The following WDR76 variants were observed in gnomAD, a reference collection of about 807,000 sequenced individuals.
The protein encoded by WDR76 is WD repeat-containing protein 76.
In WDR76, 52 loss-of-function variants were observed where a neutral mutation model predicts 70.2. The observed-to-expected ratio is 0.74, with a 90% CI of 0.59 to 0.93. The LOEUF is 0.93. WDR76 is among the 40% of genes least tolerant of loss of function. The pLI is 0.00. For synonymous variants in WDR76, 292 were observed against 271.1 expected (o/e 1.08, Z -0.76); for missense variants, 756 against 760.2 (o/e 0.99, Z 0.07).
chr15:43,852,353 T>TGTTGTTGTTGTTGTTGTC, intron 9 of WDR76, among the ~76,000 whole-genome samples: 1 of 150,932 alleles, frequency 6.6e-6, no homozygotes, highest in African/African-American at 2.5e-5. Flanking sequence ...CCGGGTAATT[T>TGTTGTTGTTGTTGTTGTC]GTTGTTGTTG....
chr15:43,833,696 G>A (rs977330793), intron 2 of WDR76, among the ~76,000 whole-genome samples: 2 of 151,510 alleles, frequency 1.3e-5, no homozygotes, highest in African/African-American at 4.9e-5. Flanking sequence ...GAGTGCAGTG[G>A]CATGATCTGG....
intron 12 of WDR76, among the ~76,000 whole-genome samples, chr15:43,861,878 C>T (rs1173866341): frequency 6.9e-6 from 1 of 144,208 alleles, no homozygotes; most frequent in Admixed American, 7.1e-5. Context: ...ACTCTGTTGC[C>T]TAGGCTGGAG....
chr15:43,857,097 T>TG lies in WDR76; in HGVS notation c.1346dup (p.Ile451AsnfsTer11). The TG allele has an allele frequency of 1.9e-6, 3 of 1,614,112 alleles. No homozygotes were observed. Among genetic ancestry groups the TG allele is most frequent in the Non-Finnish European group, 1.7e-6 (2 of 1,180,000 alleles). Reference sequence around the variant, plus strand: ...TATGAGAAACTTACCAGTTCTTCTATGGGAAAAATAAGAACTGTTCATGTC... The same window carrying TG: ...TATGAGAAACTTACCAGTTCTTCTATGGGGAAAAATAAGAACTGTTCATGTC... On this transcript the variant is annotated frameshift_variant, in exon 10 of 13. Coordinates refer to ENST00000263795, the MANE Select transcript of WDR76 (RefSeq NM_024908.4). LOFTEE classifies it high-confidence loss of function.
chr15:43,857,820 C>CAAA lies in WDR76; in HGVS notation c.1409+679_1409+681dup, dbSNP rs972013972. On this transcript the variant is annotated intron_variant, in intron 10 of 12. Coordinates refer to ENST00000263795, the MANE Select transcript of WDR76 (RefSeq NM_024908.4). ...GATGACAGAGCGAGACTCTTGTCTCCAAAAAAAAAAAAAAAAAAAAAAAAG... is the reference window on the plus strand; with the variant it reads ...GATGACAGAGCGAGACTCTTGTCTCCAAAAAAAAAAAAAAAAAAAAAAAAAAAG... 1.8e-3 allele frequency among the ~76,000 whole-genome samples: 106 copies of CAAA among 57,836 alleles called. 1 individual carries two copies. Among genetic ancestry groups the CAAA allele is most frequent in the East Asian group, 3.9e-3 (7 of 1,812 alleles). The allele number at this position is 57,836 out of a possible 152,430, so 37.9% of individuals were successfully genotyped here. A position where few individuals can be genotyped will look rare whatever the true frequency, so the allele number is the denominator to read the frequency against.
rs142889077 is a variant in WDR76 at position 43,843,201 on chromosome 15, T to C, written c.878+530T>C. The stretch of plus-strand genomic sequence containing the variant: ...ATCACATCTCACTAATTTTTGTATT[T>C]GTAGAGATGAGATTTTGCTGTGTTG... On this transcript the variant is annotated intron_variant, in intron 7 of 12. Coordinates refer to ENST00000263795, the MANE Select transcript of WDR76 (RefSeq NM_024908.4). Among the ~76,000 whole-genome samples the C allele has an allele frequency of 1.8e-3, 267 of 152,030 alleles. 3 individuals carry two copies. The highest frequency in any genetic ancestry group is 0.017 in the South Asian group (83 of 4,822).
chr15:43,848,930 CTTTT>C (rs534839516), intron 8 of WDR76, among the ~76,000 whole-genome samples: 2 of 127,120 alleles, frequency 1.6e-5, no homozygotes, highest in Non-Finnish European at 3.4e-5. Context: ...AGAGTTGAGA[CTTTT>C]TTTTTTTTTT....
intron 11 of WDR76, among the ~76,000 whole-genome samples, chr15:43,859,891 G>A (rs1348919061): frequency 6.6e-6 from 1 of 152,218 alleles, no homozygotes; most frequent in Non-Finnish European, 1.5e-5. Flanking sequence ...TGGTGATGCT[G>A]TTAGTTTCCT....
At chr15:43,857,245 A>T (rs2087939928) in intron 10 of WDR76, 82 bp downstream of exon 10, 1 of 1,341,346 alleles carries the variant, frequency 7.5e-7, no homozygotes, top group Admixed American at 2.6e-5. Flanking sequence ...AAGATATTGT[A>T]ATACAATATT....
At position 43,838,789 on chromosome 15, in the gene WDR76, CTT is replaced by C. The variant is rs201785414; in HGVS notation, c.609-815_609-814del. On this transcript the variant is annotated intron_variant, in intron 4 of 12. Transcript: ENST00000263795. The stretch of plus-strand genomic sequence containing the variant: ...TGCTGCTCCAAACATTCTTAAGTCT[CTT>C]AGTGCTTATGTATGGGAGTTTCTCT... Among the ~76,000 whole-genome samples the C allele has an allele frequency of 5.6e-3, 859 of 152,144 alleles. 7 individuals are homozygous for C. Among genetic ancestry groups the C allele is most frequent in the African/African-American group, 0.02 (815 of 41,502 alleles).
chr15:43,858,589 G>A (rs2087959430), intron 10 of WDR76, 82 bp from the exon 11 acceptor site: 5 of 1,519,368 alleles, frequency 3.3e-6, no homozygotes, highest in South Asian at 1.3e-5. Flanking sequence ...AAGTATGTGA[G>A]TGTCTAACTT....
intron 7 of WDR76, among the ~76,000 whole-genome samples, chr15:43,843,309 G>A (rs974732029): frequency 2.6e-4 from 40 of 152,178 alleles, no homozygotes; most frequent in African/African-American, 9.2e-4. Context: ...GTGTGAGCCA[G>A]TGTGCCTGGC....
In WDR76 at chr15:43,868,056, T is replaced by C. The variant is rs530581623; in HGVS notation, c.*1664T>C. Reference sequence around the variant, plus strand: ...TCTGTAATCTAAGTGTAAAAAGGTTTAGTTTTTTAATAGGTTTAGGTGTTT... The same window carrying C: ...TCTGTAATCTAAGTGTAAAAAGGTTCAGTTTTTTAATAGGTTTAGGTGTTT... On this transcript the variant is annotated 3_prime_UTR_variant, in exon 13 of 13. Coordinates refer to ENST00000263795, the MANE Select transcript of WDR76 (RefSeq NM_024908.4). The C allele has an allele frequency of 1.3e-5, 2 of 152,334 alleles. No individual in the cohort carries two copies. Among genetic ancestry groups the C allele is most frequent in the Admixed American group, 1.3e-4 (2 of 15,298 alleles). 9.4% of individuals were successfully genotyped at this position (152,334 alleles called of 1,614,324 possible).
In WDR76 at chr15:43,827,083, C is replaced by A. The variant is rs763254055; in HGVS notation, c.51C>A (p.Pro17=). The A allele has an allele frequency of 1.2e-6, 2 of 1,613,550 alleles. No individual in the cohort carries two copies. The highest frequency in any genetic ancestry group is 1.7e-6 in the Non-Finnish European group (2 of 1,179,956). The part of the protein sequence containing the change: ...AAEKADSRQR[P]QMKVNEYKEN... The stretch of plus-strand genomic sequence containing the variant: ...AGAAGGCGGACTCCAGACAGCGACC[C>A]CAGATGAAGGTGAGAAACGGACTGG... Residue 17 remains proline (P), a synonymous_variant, in exon 1 of 13, where the codon CCC becomes CCA. Transcript: ENST00000263795.
chr15:43,868,283 A>C lies in WDR76; in HGVS notation c.*1891A>C, dbSNP rs2088098067. 6.6e-6 allele frequency: 1 copy of C among 152,152 alleles called. No individual in the cohort carries two copies. Among genetic ancestry groups the C allele is most frequent in the Non-Finnish European group, 1.5e-5 (1 of 68,028 alleles). 9.4% of individuals were successfully genotyped at this position (152,152 alleles called of 1,614,324 possible). ...CATGGGTTCTAGAGTGGTTAGTTCTACGGGAATTGTTTTTGTTTTTGTTTT... is the reference window on the plus strand; with the variant it reads ...CATGGGTTCTAGAGTGGTTAGTTCTCCGGGAATTGTTTTTGTTTTTGTTTT... On this transcript the variant is annotated 3_prime_UTR_variant, in exon 13 of 13. Coordinates refer to ENST00000263795, the MANE Select transcript of WDR76 (RefSeq NM_024908.4).
chr15:43,860,235 A>C (rs947708415), intron 11 of WDR76, among the ~76,000 whole-genome samples: 1 of 152,204 alleles, frequency 6.6e-6, no homozygotes, highest in Non-Finnish European at 1.5e-5. Flanking sequence ...TCAGAATGAG[A>C]CGTTGTCTCT....
At chr15:43,864,671 T>G (rs2088047356) in intron 12 of WDR76, among the ~76,000 whole-genome samples, 1 of 152,044 alleles carries the variant, frequency 6.6e-6, no homozygotes, top group South Asian at 2.1e-4. Flanking sequence ...CTGGGCTCAC[T>G]GCAACCTCCG....
At chr15:43,851,267 T>C in intron 9 of WDR76, 22 bp downstream of exon 9, 1 of 1,610,290 alleles carries the variant, frequency 6.2e-7, no homozygotes, top group Non-Finnish European at 8.5e-7. Flanking sequence ...TGTGTTTACA[T>C]GCTGACTTCA....
intron 5 of WDR76, 39 bp downstream of exon 5, chr15:43,839,767 A>T (rs1201075477): frequency 6.5e-7 from 1 of 1,540,746 alleles, no homozygotes; most frequent in Non-Finnish European, 8.7e-7. Context: ...AATGTAATAA[A>T]ATACTGAAAA....
At position 43,835,071 on chromosome 15, in the gene WDR76, G is replaced by T; in HGVS notation, c.473G>T (p.Gly158Val). The T allele has an allele frequency of 6.2e-7, 1 of 1,613,994 alleles. No individual in the cohort carries two copies. Among genetic ancestry groups the T allele is most frequent in the Non-Finnish European group, 8.5e-7 (1 of 1,179,982 alleles). Residue 158 changes from glycine (G) to valine (V), a missense_variant, in exon 3 of 13, where the codon GGA becomes GTA. Gly to Val is a moderately radical substitution (Grantham distance 109). Coordinates refer to ENST00000263795, the MANE Select transcript of WDR76 (RefSeq NM_024908.4). ...GGTGTAATTTTATAGGATTTTTCGG[G>T]ATTGTCACCCTACGAAAGGAAGAGA... is the stretch of plus-strand genomic sequence containing the variant. ...EDTTPSLDFS[G>V]LSPYERKRLK...
Sources: gnomAD v4.1 joint callset for allele counts (sites outside exome capture counted in the v4.1 genomes callset) on GRCh38, gnomAD v4.1.1 for gene constraint, MANE v1.5 for transcripts, NCBI Gene and HGNC (gene_info 2026-07-23, HGNC 2026-07-21) for gene names.